CTBP2: variants seen among roughly 807,000 people sequenced by gnomAD.
CTBP2 encodes the protein C-terminal-binding protein 2.
In CTBP2, 30 loss-of-function variants were observed where a neutral mutation model predicts 80.3. The observed-to-expected ratio is 0.37, with a 90% CI of 0.28 to 0.51. The LOEUF (loss-of-function observed/expected upper bound fraction) is 0.51. Among genes scored for constraint, CTBP2 ranks in the 20% least tolerant of loss-of-function variants. CTBP2 has a pLI of 0.93. For missense variants in CTBP2, 1,212 were observed against 1,375.3 expected (o/e 0.88, Z 1.88); for synonymous variants, 594 against 587.4 (o/e 1.01, Z -0.16).
intron 4 of CTBP2, chr10:124,996,535 G>A (rs1589939934): frequency 6.5e-6 from 1 of 152,744 alleles, no homozygotes; most frequent in Admixed American, 6.5e-5. Context: ...CGGCGGCAGG[G>A]GGCTGCACTG....
intron 1 of CTBP2, among the ~76,000 whole-genome samples, chr10:125,116,621 C>G (rs749346894): frequency 3.5e-4 from 53 of 152,190 alleles, no homozygotes; most frequent in Non-Finnish European, 6.6e-4. Context: ...CCAGGGCAAG[C>G]CCCCTCTCCT....
intron 1 of CTBP2, among the ~76,000 whole-genome samples, chr10:125,141,393 C>A (rs918339842): frequency 7.2e-5 from 11 of 152,280 alleles, no homozygotes; most frequent in African/African-American, 2.4e-4. Flanking sequence ...GCCATCTACC[C>A]TCGGGGCCGG....
At chr10:124,993,406 C>T in intron 6 of CTBP2, 77 bp from the exon 9 acceptor site, 1 of 1,493,058 alleles carries the variant, frequency 6.7e-7, no homozygotes, top group Non-Finnish European at 9.1e-7. Flanking sequence ...CAAGGGAGCT[C>T]TTGGCCATGT....
At position 125,113,084 on chromosome 10, in the gene CTBP2, G is replaced by A. The variant is rs141853633; in HGVS notation, c.-205-1991C>T. On this transcript the variant is annotated intron_variant, in intron 1 of 10. Transcript: ENST00000337195. ...GTTATCATGTACCCAAGGTCAAGTA[G>A]TAATTCACTCCCAACTGTACACCAC... is the stretch of plus-strand genomic sequence containing the variant. Among the ~76,000 whole-genome samples, 6 of 152,296 alleles carry A rather than the reference G, an allele frequency of 3.9e-5. No individual in the cohort carries two copies. The East Asian group carries it at 1.2e-3, about 29-fold the overall frequency.
chr10:125,124,010 C>T (rs541258892), intron 1 of CTBP2, among the ~76,000 whole-genome samples: 60 of 152,330 alleles, frequency 3.9e-4, no homozygotes, highest in Admixed American at 2.6e-3. Context: ...CTGGCTAAAT[C>T]GAAACTACAG....
intron 1 of CTBP2, chr10:125,026,034 C>T (rs760867308): frequency 1.4e-5 from 22 of 1,529,080 alleles, no homozygotes; most frequent in Non-Finnish European, 1.8e-5. Flanking sequence ...CCGCACCCCC[C>T]TGCTCCCCCC....
At chr10:125,102,500 C>T (rs1384223945) in intron 2 of CTBP2, among the ~76,000 whole-genome samples, 1 of 152,224 alleles carries the variant, frequency 6.6e-6, no homozygotes, top group Non-Finnish European at 1.5e-5. Flanking sequence ...AGTGCTGCCA[C>T]TTAAGCCCAG....
At chr10:125,051,508 T>C (rs530265769) in intron 2 of CTBP2, among the ~76,000 whole-genome samples, 1 of 151,904 alleles carries the variant, frequency 6.6e-6, no homozygotes, top group Non-Finnish European at 1.5e-5. Flanking sequence ...GGTGTGGTGG[T>C]GGGCACCTGT....
intron 1 of CTBP2, among the ~76,000 whole-genome samples, chr10:125,139,110 G>A (rs1046581173): frequency 9.9e-5 from 15 of 152,214 alleles, no homozygotes; most frequent in South Asian, 2.1e-4. Context: ...GGTGGCTCAC[G>A]CCTGTAATCC....
chr10:125,139,071 A>G (rs985598051), intron 1 of CTBP2, among the ~76,000 whole-genome samples: 2 of 152,054 alleles, frequency 1.3e-5, no homozygotes, highest in Non-Finnish European at 2.9e-5. Flanking sequence ...CTGGCACTCA[A>G]CAGACAGTAG....
Position 125,066,446 on chromosome 10 carries a change from G to A in CTBP2, c.-101-27291C>T, listed in dbSNP as rs370053766. ...AGGGCAGGAACGGAAGGCAAGCAGG[G>A]TGCGCAGATGTAACGGGGGAAGCAG... On this transcript the variant is annotated intron_variant, in intron 2 of 10. Coordinates refer to the CTBP2 transcript ENST00000337195. The surrounding 1 kb of genome is among the most constrained non-coding windows in gnomAD (Gnocchi z 4.1). 6.6e-6 allele frequency among the ~76,000 whole-genome samples: 1 copy of A among 152,172 alleles called. No homozygotes were observed. Among genetic ancestry groups the A allele is most frequent in the East Asian group, 1.9e-4 (1 of 5,180 alleles).
intron 1 of CTBP2, among the ~76,000 whole-genome samples, chr10:125,120,813 G>A (rs758278368): frequency 5.9e-5 from 9 of 152,152 alleles, no homozygotes; most frequent in South Asian, 2.1e-4. Context: ...GTACAGGCAC[G>A]GGCCCCCAAG....
At chr10:125,022,304 A>G (rs1590129108) in intron 1 of CTBP2, among the ~76,000 whole-genome samples, 1 of 152,226 alleles carries the variant, frequency 6.6e-6, no homozygotes, top group East Asian at 1.9e-4. Flanking sequence ...TGCTATACAT[A>G]GTCACAGTTA....
intron 1 of CTBP2, among the ~76,000 whole-genome samples, chr10:125,140,755 G>A (rs1157449256): frequency 7.9e-5 from 12 of 152,134 alleles, no homozygotes; most frequent in Admixed American, 1.3e-4. Flanking sequence ...CCCAGAAGGT[G>A]GAGGTTGCAG....
chr10:125,023,503 C>T lies in CTBP2; in HGVS notation c.1678+2579G>A, dbSNP rs1421219372. Among the ~76,000 whole-genome samples the T allele has an allele frequency of 3.9e-5, 6 of 152,172 alleles. No homozygotes were observed. The South Asian group carries it at 6.2e-4, about 16-fold the overall frequency. Reference sequence around the variant, plus strand: ...GCTCGCAGCCACCGCCGGAGGGCTCCGCGACTTGTGCCATAGCCGGCCAGG... The same window carrying T: ...GCTCGCAGCCACCGCCGGAGGGCTCTGCGACTTGTGCCATAGCCGGCCAGG... On this transcript the variant is annotated intron_variant, in intron 1 of 8. Transcript: ENST00000309035.
At position 125,027,617 on chromosome 10, in the gene CTBP2, C is replaced by G; in HGVS notation, c.143G>C (p.Gly48Ala). ...TCGGTGGTTTGGCTCAAACCAAGTC[C>G]CCTCTGCTGTGCCATACGTCAGGGA... is the stretch of plus-strand genomic sequence containing the variant. Residue 48 changes from glycine to alanine, a missense_variant, in exon 1 of 9, where the codon GGG becomes GCG. Gly to Ala is a moderately conservative substitution (Grantham distance 60). Transcript: ENST00000309035. 6.2e-7 allele frequency: 1 copy of G among 1,614,060 alleles called. No individual in the cohort carries two copies. The highest frequency in any genetic ancestry group is 8.5e-7 in the Non-Finnish European group (1 of 1,180,026).
At chr10:125,015,311 G>A (rs932452283) in intron 1 of CTBP2, among the ~76,000 whole-genome samples, 1 of 152,206 alleles carries the variant, frequency 6.6e-6, no homozygotes, top group Non-Finnish European at 1.5e-5. Context: ...GCTTCTCTTC[G>A]AGTCCTGCAC....
chr10:125,081,609 C>T (rs1847181772), intron 2 of CTBP2, among the ~76,000 whole-genome samples: 1 of 151,728 alleles, frequency 6.6e-6, no homozygotes, highest in Non-Finnish European at 1.5e-5. Context: ...ATTAGAAATT[C>T]TTTGTTCCAT....
At chr10:125,023,499 G>A (rs1039548094) in intron 1 of CTBP2, among the ~76,000 whole-genome samples, 1 of 152,214 alleles carries the variant, frequency 6.6e-6, no homozygotes, top group African/African-American at 2.4e-5. Context: ...CCGCCGGAGG[G>A]CTCCGCGACT....
Sources: allele counts gnomAD v4.1 joint callset (sites outside exome capture counted in the v4.1 genomes callset), GRCh38; gene constraint gnomAD v4.1.1; non-coding constraint Gnocchi (gnomAD v3.1); transcripts MANE v1.5; gene names NCBI Gene and HGNC (gene_info 2026-07-23, HGNC 2026-07-21).